Variants in NPEPL1 observed in about 807,000 individuals in gnomAD.
NPEPL1 encodes the protein probable aminopeptidase NPEPL1.
NPEPL1 carries 45 observed loss-of-function variants against 52.4 expected under a neutral mutation model. The observed-to-expected ratio is 0.86, with a 90% confidence interval of 0.68 to 1.10. The LOEUF (loss-of-function observed/expected upper bound fraction) is 1.10. NPEPL1 is among the 50% of genes least tolerant of loss of function. The pLI, the probability that NPEPL1 is intolerant of heterozygous loss-of-function variation, is 0.00. For synonymous variants in NPEPL1, 360 were observed against 314.7 expected (o/e 1.14, Z -1.52); for missense variants, 696 against 710.9 (o/e 0.98, Z 0.24).
chr20:58,704,533 AT>A, intron 6 of NPEPL1: 1 of 314,168 alleles, frequency 3.2e-6, no homozygotes, highest in Non-Finnish European at 4.6e-6. Context: ...ATCATAAATA[AT>A]TTTATGAAGA....
At chr20:58,702,285 G>A (rs1257325324) in intron 6 of NPEPL1, among the ~76,000 whole-genome samples, 1 of 149,786 alleles carries the variant, frequency 6.7e-6, no homozygotes, top group Non-Finnish European at 1.5e-5. Context: ...TGCAGCCAGT[G>A]GGCCTGCCCC....
upstream of NPEPL1, among the ~76,000 whole-genome samples, chr20:58,690,458 T>A (rs2084327040): frequency 6.6e-6 from 1 of 152,240 alleles, no homozygotes; most frequent in East Asian, 1.9e-4. Flanking sequence ...CTTATTTATG[T>A]TAAAGTCTGT....
rs548550800 is a variant in NPEPL1, at chr20:58,704,647, A to C, written c.823-2476A>C. Reference sequence around the variant, plus strand: ...CTGGCTTAATAGAAGACAGCTAGGGACCTTGCGTCTGCTTCCGATGTAGTC... The same window carrying C: ...CTGGCTTAATAGAAGACAGCTAGGGCCCTTGCGTCTGCTTCCGATGTAGTC... On this transcript the variant is annotated intron_variant, in intron 6 of 11. Transcript: ENST00000356091. 6.5e-4 allele frequency among the ~76,000 whole-genome samples: 97 copies of C among 149,704 alleles called. 1 individual carries two copies. The highest frequency in any genetic ancestry group is 7.7e-4 in the East Asian group (4 of 5,170).
intron 11 of NPEPL1, 184 bp downstream of exon 11, chr20:58,714,854 C>T (rs548313157): frequency 1.5e-5 from 9 of 619,652 alleles, no homozygotes; most frequent in South Asian, 5.9e-5. Context: ...CTGCTGTGTG[C>T]GACCCTTCCC....
At chr20:58,705,773 T>A (rs534606385) in intron 6 of NPEPL1, among the ~76,000 whole-genome samples, 1 of 152,328 alleles carries the variant, frequency 6.6e-6, no homozygotes, top group African/African-American at 2.4e-5. Flanking sequence ...TGGTGTACAG[T>A]GAGCAGCCGT....
At chr20:58,711,122 T>TCCTCCCCCTCTCCCCCTCCTCCCCCTC (rs1555851564) in intron 7 of NPEPL1, 1 of 46,132 alleles carries the variant, frequency 2.2e-5, no homozygotes, top group Non-Finnish European at 3.9e-5. Flanking sequence ...CTCCTCCCCC[T>TCCTCCCCCTCTCCCCCTCCTCCCCCTC]CTCCTCCTCC....
upstream of NPEPL1, chr20:58,692,036 G>A: frequency 8.4e-6 from 5 of 594,584 alleles, no homozygotes; most frequent in East Asian, 2.8e-5. The surrounding 1 kb of genome is among the most constrained non-coding windows in gnomAD (Gnocchi z 5.7). Flanking sequence ...GGTGACTCAG[G>A]TCACCCTGCT....
intron 6 of NPEPL1, chr20:58,703,508 T>G: frequency 1.0e-6 from 1 of 985,258 alleles, no homozygotes. Context: ...TGGAAGCCGC[T>G]ACATTCTGGC....
Position 58,715,181 on chromosome 20 carries a change from C to T in NPEPL1, c.1427C>T (p.Thr476Ile). The change falls in exon 12 of 12, where the codon ACA (threonine) becomes ATA (isoleucine). Residue 476 changes from threonine to isoleucine, a missense_variant. By Grantham distance (89) the Thr-to-Ile change is moderately conservative. Transcript: ENST00000356091. Reference sequence around the variant, plus strand: ...CTTTGCTTGCAGGGTGAGCGAGCCACAGGCTTCGGTGTGGCCCTCCTGCTG... The same window carrying T: ...CTTTGCTTGCAGGGTGAGCGAGCCATAGGCTTCGGTGTGGCCCTCCTGCTG... ...AAPVHAGERA[T>I]GFGVALLLAL... 6.2e-7 allele frequency: 1 copy of T among 1,605,932 alleles called. No homozygotes were observed. Among genetic ancestry groups the T allele is most frequent in the Non-Finnish European group, 8.5e-7 (1 of 1,177,984 alleles).
At chr20:58,704,913 C>G (rs2084707828) in intron 6 of NPEPL1, among the ~76,000 whole-genome samples, 1 of 152,212 alleles carries the variant, frequency 6.6e-6, no homozygotes, top group Admixed American at 6.5e-5. Flanking sequence ...TTCTCTCTCA[C>G]TTTGAACATG....
Position 58,715,822 on chromosome 20 carries a change from AATAC to A in NPEPL1, c.*498_*501del, listed in dbSNP as rs2084938197. ...TCAGAATTCACTTGAGGTTCAATTA[AATAC>A]AGTCACACCGCCCCCTCACCTGGCC... On this transcript the variant is annotated 3_prime_UTR_variant, in exon 12 of 12. Transcript: ENST00000356091. The A allele has an allele frequency of 6.5e-6, 1 of 152,982 alleles. No individual in the cohort carries two copies. The highest frequency in any genetic ancestry group is 1.5e-5 in the Non-Finnish European group (1 of 68,602). 9.5% of individuals were successfully genotyped at this position (152,982 alleles called of 1,614,324 possible). A position where few individuals can be genotyped will look rare whatever the true frequency, so the allele number is the denominator to read the frequency against.
intron 1 of NPEPL1, 77 bp from the exon 2 acceptor site, chr20:58,693,660 G>C (rs930395422): frequency 6.6e-6 from 9 of 1,354,400 alleles, no homozygotes; most frequent in Admixed American, 2.1e-5. Flanking sequence ...GGTTGTGGCC[G>C]TGGCTGCAGG....
intron 1 of NPEPL1, chr20:58,693,439 C>T (rs1287318820): frequency 6.2e-6 from 2 of 320,038 alleles, no homozygotes; most frequent in African/African-American, 4.3e-5. Flanking sequence ...GGCCCCTGCC[C>T]CCTCTCTGGT....
intron 6 of NPEPL1, among the ~76,000 whole-genome samples, chr20:58,706,842 C>T (rs1448176962): frequency 6.6e-5 from 10 of 152,204 alleles, no homozygotes; most frequent in Non-Finnish European, 1.3e-4. Context: ...GTTCCCCCTC[C>T]GTGCAGTTAC....
intron 6 of NPEPL1, chr20:58,703,929 T>C (rs770233655): frequency 4.8e-5 from 47 of 985,250 alleles, no homozygotes; most frequent in Non-Finnish European, 5.7e-5. Context: ...GCAGACCCCA[T>C]AATACCAGGA....
In NPEPL1 at chr20:58,693,392, T is replaced by C. The variant is rs138608570; in HGVS notation, c.150+342T>C. The C allele has an allele frequency of 3.5e-3, 748 of 213,956 alleles. 8 individuals carry two copies. Among genetic ancestry groups the C allele is most frequent in the African/African-American group, 0.016 (712 of 43,926 alleles). 13.3% of individuals were successfully genotyped at this position (213,956 alleles called of 1,614,324 possible). ...AGGCCCTGGCTTCCAGAAGTTCCCA[T>C]GGCAGTGTCCCCAGCTGCCTTTCCT... On this transcript the variant is annotated intron_variant, in intron 1 of 11. Coordinates refer to ENST00000356091, the MANE Select transcript of NPEPL1 (RefSeq NM_024663.4).
At chr20:58,710,554 G>A (rs1414157236) in intron 7 of NPEPL1, among the ~76,000 whole-genome samples, 1 of 151,658 alleles carries the variant, frequency 6.6e-6, no homozygotes, top group Non-Finnish European at 1.5e-5. Flanking sequence ...CGCCCTGGGG[G>A]ACCAGGCCCA....
At chr20:58,705,520 G>T (rs778781916) in intron 6 of NPEPL1, 1 of 456,262 alleles carries the variant, frequency 2.2e-6, no homozygotes. Context: ...CGAATACAGT[G>T]GCTCCCGGAC....
intron 4 of NPEPL1, 103 bp from the exon 5 acceptor site, chr20:58,699,094 C>T (rs553415071): frequency 3.1e-4 from 350 of 1,118,026 alleles, no homozygotes; most frequent in South Asian, 9.9e-4. Context: ...CTCCCCGACG[C>T]GGCACAGGCA....
Sources: allele counts gnomAD v4.1 joint callset (sites outside exome capture counted in the v4.1 genomes callset), GRCh38; gene constraint gnomAD v4.1.1; non-coding constraint Gnocchi (gnomAD v3.1); transcripts MANE v1.5; gene names NCBI Gene and HGNC (gene_info 2026-07-23, HGNC 2026-07-21).